The following FSD1L variants were observed in gnomAD, a reference collection of about 807,000 sequenced individuals.
FSD1L encodes fibronectin type III and SPRY domain containing 1 like.
A neutral mutation model predicts 71.6 loss-of-function variants in FSD1L; 45 were observed. The ratio of observed to expected loss-of-function variants is 0.63; its 90% CI spans 0.49 to 0.81. The LOEUF (loss-of-function observed/expected upper bound fraction) is 0.81. FSD1L is among the 30% of genes least tolerant of loss of function. The pLI is 0.00. For missense variants in FSD1L, 561 were observed against 618.1 expected (o/e 0.91, Z 0.98); for synonymous variants, 197 against 207.2 (o/e 0.95, Z 0.42).
At chr9:105,452,959 A>G (rs1242701031) in intron 1 of FSD1L, among the ~76,000 whole-genome samples, 1 of 149,202 alleles carries the variant, frequency 6.7e-6, no homozygotes, top group African/African-American at 2.5e-5. Flanking sequence ...CTAGCCTTGA[A>G]CTCTTGGGCT....
intron 9 of FSD1L, among the ~76,000 whole-genome samples, chr9:105,509,011 T>A (rs1245633899): frequency 6.6e-6 from 1 of 152,218 alleles, no homozygotes; most frequent in Non-Finnish European, 1.5e-5. Flanking sequence ...TAAGTATCAC[T>A]GAGATTTGCC....
At chr9:105,524,042 G>T in intron 10 of FSD1L, 5 of 1,605,502 alleles carry the variant, frequency 3.1e-6, no homozygotes, top group Non-Finnish European at 4.3e-6. Flanking sequence ...ATGTTGCTGT[G>T]TCTCAGTTTA....
intron 7 of FSD1L, among the ~76,000 whole-genome samples, chr9:105,505,155 C>A (rs1564121490): frequency 6.6e-6 from 1 of 152,248 alleles, no homozygotes; most frequent in Non-Finnish European, 1.5e-5. Context: ...AATTTCACTG[C>A]CCTAAAGTTC....
rs1832401863 is a variant in FSD1L at position 105,484,397 on chromosome 9, G to A, written c.481G>A (p.Ala161Thr). Residue 161 changes from alanine to threonine, a missense_variant, in exon 7 of 14, where the codon GCC becomes ACC. Coordinates refer to ENST00000481272, the MANE Select transcript of FSD1L (RefSeq NM_001145313.3). ...TTACCGTAGAGTCACAATGGCTTCA[G>A]CCTTTCGCCTTTCTTTGAAACCAAA... The part of the protein sequence containing the change: ...QIKDRVTMAS[A>T]FRLSLKPKVS... The A allele has an allele frequency of 3.9e-6, 6 of 1,525,602 alleles. No individual in the cohort carries two copies. The highest frequency in any genetic ancestry group is 5.3e-6 in the Non-Finnish European group (6 of 1,137,418). 94.5% of individuals were successfully genotyped at this position (1,525,602 alleles called of 1,614,324 possible). A position where few individuals can be genotyped will look rare whatever the true frequency, so the allele number is the denominator to read the frequency against.
At chr9:105,475,823 C>A (rs564940073) in intron 5 of FSD1L, among the ~76,000 whole-genome samples, 24 of 152,210 alleles carry the variant, frequency 1.6e-4, no homozygotes, top group African/African-American at 5.8e-4. Flanking sequence ...AATGATCATG[C>A]TTTTTGAAAA....
chr9:105,448,019 C>T (rs3818598), upstream of FSD1L: 75,135 of 606,858 alleles, frequency 0.12, 7,065 homozygotes, highest in East Asian at 0.48. Context: ...CAGCCCCTCC[C>T]TTCTGCGGGC....
At chr9:105,526,868 G>A (rs188345068) in intron 10 of FSD1L, among the ~76,000 whole-genome samples, 5 of 150,652 alleles carry the variant, frequency 3.3e-5, no homozygotes, top group South Asian at 4.1e-4. Context: ...TGGACAATTA[G>A]TCTCATTATT....
At chr9:105,501,694 A>T (rs1328969590) in intron 7 of FSD1L, among the ~76,000 whole-genome samples, 1 of 151,478 alleles carries the variant, frequency 6.6e-6, no homozygotes, top group Non-Finnish European at 1.5e-5. Context: ...ATAGTCTCCC[A>T]AAGTGCTGGG....
chr9:105,521,488 C>T, intron 10 of FSD1L: 1 of 1,613,856 alleles, frequency 6.2e-7, no homozygotes, highest in Non-Finnish European at 8.5e-7. Context: ...AACTTTGTGA[C>T]AGAGATATTT....
At chr9:105,494,660 G>T (rs1183214755) in intron 7 of FSD1L, among the ~76,000 whole-genome samples, 2 of 152,152 alleles carry the variant, frequency 1.3e-5, no homozygotes, top group Non-Finnish European at 2.9e-5. Flanking sequence ...TGATGATGGT[G>T]ATGTACAGAT....
In FSD1L at chr9:105,448,190, G is replaced by A. The variant is rs1186084094; in HGVS notation, c.-31G>A. 1.9e-6 allele frequency: 3 copies of A among 1,543,204 alleles called. No individual in the cohort carries two copies. The South Asian group carries it at 3.6e-5, about 18-fold the overall frequency. On this transcript the variant is annotated 5_prime_UTR_variant, in exon 1 of 14. Coordinates refer to ENST00000481272, the MANE Select transcript of FSD1L (RefSeq NM_001145313.3). ...CCTCCTCACACGGTTCGTCGTCTCG[G>A]GTTCGAGCCCAGTGGGCTTAGCCAC...
chr9:105,494,237 T>G (rs1402834400), intron 7 of FSD1L, among the ~76,000 whole-genome samples: 17 of 152,192 alleles, frequency 1.1e-4, no homozygotes, highest in Non-Finnish European at 2.9e-5. Flanking sequence ...CCTTCTCGCT[T>G]CATTTCATTC....
At chr9:105,443,894 C>A (rs1013475139), upstream of FSD1L, among the ~76,000 whole-genome samples, 1 of 152,180 alleles carries the variant, frequency 6.6e-6, no homozygotes, top group African/African-American at 2.4e-5. Context: ...CACTCAACAA[C>A]CCTTATAGGT....
chr9:105,513,018 T>C (rs886147545), intron 10 of FSD1L, 82 bp downstream of exon 10: 1 of 1,156,424 alleles, frequency 8.6e-7, no homozygotes, highest in Non-Finnish European at 1.2e-6. Context: ...ATTGAAATTC[T>C]TAGTCAATAT....
In FSD1L at chr9:105,549,082, A is replaced by C. The variant is rs1183114559; in HGVS notation, c.*2599A>C. 6.6e-6 allele frequency: 1 copy of C among 152,122 alleles called. No homozygotes were observed. Among genetic ancestry groups the C allele is most frequent in the African/African-American group, 2.4e-5 (1 of 41,456 alleles). The allele number at this position is 152,122 out of a possible 1,614,324, so 9.4% of individuals were successfully genotyped here. On this transcript the variant is annotated 3_prime_UTR_variant, in exon 14 of 14. Coordinates refer to ENST00000481272, the MANE Select transcript of FSD1L (RefSeq NM_001145313.3). ...GATTACAATTTAATACATTGTAAAA[A>C]GTATTAAATCCTTTGAAACATCTTT...
chr9:105,479,895 A>G (rs1370145674), intron 6 of FSD1L, among the ~76,000 whole-genome samples: 1 of 152,168 alleles, frequency 6.6e-6, no homozygotes, highest in Non-Finnish European at 1.5e-5. Flanking sequence ...TCTAGTTAAT[A>G]TTCTGTGGGA....
intron 6 of FSD1L, among the ~76,000 whole-genome samples, chr9:105,482,987 A>G (rs1318099660): frequency 1.3e-5 from 2 of 152,196 alleles, no homozygotes; most frequent in Non-Finnish European, 2.9e-5. Context: ...GCTCTTTCAG[A>G]TGTCCTCGAA....
rs1314941016 is a variant in FSD1L, at chr9:105,535,291, A to T, written c.1351A>T (p.Ile451Leu). The T allele has an allele frequency of 6.4e-7, 1 of 1,551,600 alleles. No homozygotes were observed. Among genetic ancestry groups the T allele is most frequent in the Admixed American group, 2.0e-5 (1 of 51,004 alleles). ...TTTGGATGTTACTGTTCCTGAAAAA[A>T]TAGGTGTATTTTGTGATTTTGATGG... ...KALDVTVPEK[I>L]GVFCDFDGGQ... is the part of the protein sequence containing the mutation. Residue 451 changes from isoleucine to leucine, a missense_variant, in exon 12 of 14, where the codon ATA (isoleucine) becomes TTA (leucine). Ile to Leu is a conservative substitution (Grantham distance 5). Transcript: ENST00000481272.
chr9:105,449,030 C>G (rs1221065647), intron 1 of FSD1L, among the ~76,000 whole-genome samples: 2 of 152,160 alleles, frequency 1.3e-5, no homozygotes, highest in Non-Finnish European at 2.9e-5. Flanking sequence ...CCACCCTGTT[C>G]TCTTTGTTAG....
Sources: allele counts gnomAD v4.1 joint callset (sites outside exome capture counted in the v4.1 genomes callset), GRCh38; gene constraint gnomAD v4.1.1; transcripts MANE v1.5; gene names NCBI Gene and HGNC (gene_info 2026-07-23, HGNC 2026-07-21).